The following DCAF6 variants were observed in gnomAD, a reference collection of about 807,000 sequenced individuals.
DCAF6 encodes DDB1 and CUL4 associated factor 6.
A neutral mutation model predicts 125.1 loss-of-function variants in DCAF6; 54 were observed. The observed-to-expected ratio is 0.43, with a 90% CI of 0.35 to 0.54. DCAF6 has a LOEUF of 0.54. DCAF6 is among the 20% of genes least tolerant of loss of function. The pLI is 0.01. For synonymous variants in DCAF6, 371 were observed against 390.4 expected (o/e 0.95, Z 0.58); for missense variants, 934 against 1,161.7 (o/e 0.80, Z 2.85).
chr1:168,044,651 T>TC lies in DCAF6; in HGVS notation c.1910_1911insC (p.Glu638Ter). On this transcript the variant is annotated frameshift_variant, in exon 15 of 22. Transcript: ENST00000367840. LOFTEE classifies it high-confidence loss of function. ...GAAGGAGTATCTGCAGAAAACCCAG[T>TC]TGAGAACCATATCAATATAAGTGAG... 6.2e-7 allele frequency: 1 copy of TC among 1,612,312 alleles called. No individual in the cohort carries two copies. The highest frequency in any genetic ancestry group is 8.5e-7 in the Non-Finnish European group (1 of 1,178,478).
intron 1 of DCAF6, among the ~76,000 whole-genome samples, chr1:167,944,129 AC>A (rs1557873351): frequency 6.6e-6 from 1 of 152,174 alleles, no homozygotes; most frequent in Non-Finnish European, 1.5e-5. Flanking sequence ...GGGGTGAGCC[AC>A]CACGCCCAGC....
the DCAF6 span, chr1:167,903,832 G>A: frequency 2.3e-5 from 31 of 1,324,012 alleles, 1 homozygote; most frequent in East Asian, 6.0e-4. Flanking sequence ...TGACAACTAC[G>A]GAAAAAACAA....
intron 3 of DCAF6, among the ~76,000 whole-genome samples, chr1:167,971,662 C>T (rs1184740320): frequency 3.9e-5 from 6 of 152,190 alleles, no homozygotes; most frequent in African/African-American, 1.4e-4. Flanking sequence ...ACAGATGTTA[C>T]AACTAGACCA....
intron 2 of DCAF6, among the ~76,000 whole-genome samples, chr1:167,959,820 T>C (rs1447812675): frequency 6.6e-6 from 1 of 152,210 alleles, no homozygotes; most frequent in Non-Finnish European, 1.5e-5. Flanking sequence ...TCTTCTTGTT[T>C]TCTTGACATT....
intron 4 of DCAF6, among the ~76,000 whole-genome samples, chr1:167,977,186 G>C (rs965605909): frequency 2.0e-5 from 3 of 149,162 alleles, no homozygotes; most frequent in Non-Finnish European, 3.0e-5. Flanking sequence ...TTACAGGCAT[G>C]AACCACCGTG....
chr1:167,963,402 T>C (rs1675919999), intron 2 of DCAF6, among the ~76,000 whole-genome samples: 1 of 151,704 alleles, frequency 6.6e-6, no homozygotes, highest in Non-Finnish European at 1.5e-5. Context: ...ATTTTTGTTT[T>C]CCATTCTTCT....
In DCAF6 at chr1:167,974,902, A is replaced by G; in HGVS notation, c.325A>G (p.Lys109Glu). The part of the protein sequence containing the change: ...SAKFLPCTND[K>E]QIVSCSGDGV... ...AAAGTTCTTACCTTGTACAAATGAT[A>G]AACAGATTGTATCCTGCTCTGGAGA... is the stretch of plus-strand genomic sequence containing the variant. Residue 109 changes from lysine to glutamate, a missense_variant, in exon 4 of 22, where the codon AAA becomes GAA. Coordinates refer to ENST00000367840, the MANE Select transcript of DCAF6 (RefSeq NM_001198956.2). The G allele has an allele frequency of 6.2e-7, 1 of 1,608,310 alleles. No homozygotes were observed. The highest frequency in any genetic ancestry group is 8.5e-7 in the Non-Finnish European group (1 of 1,177,288).
At chr1:167,951,618 A>G (rs1003120615) in intron 1 of DCAF6, among the ~76,000 whole-genome samples, 182 bp from the exon 2 acceptor site, 2 of 152,140 alleles carry the variant, frequency 1.3e-5, no homozygotes, top group African/African-American at 2.4e-5. Context: ...GAGGTATTCT[A>G]ATGAGGAAAC....
Position 168,068,375 on chromosome 1 carries a change from A to G in DCAF6, c.2703A>G (p.Glu901=). 1 of 1,604,388 alleles carries G rather than the reference A, an allele frequency of 6.2e-7. No homozygotes were observed. The highest frequency in any genetic ancestry group is 8.5e-7 in the Non-Finnish European group (1 of 1,174,548). Residue 901 remains glutamate, a synonymous_variant, in exon 21 of 22, where the codon GAA becomes GAG. Transcript: ENST00000367840. The part of the protein sequence containing the change: ...KLADEVITRN[E]LMLEETRNTI... ...CCTTGTAGGTTATAACTCGAAACGA[A>G]CTCATGCTGGAAGAAACTAGAAACA...
chr1:167,870,638 CAAAAAAA>C, the DCAF6 span, among the ~76,000 whole-genome samples: 7 of 93,782 alleles, frequency 7.5e-5, no homozygotes, highest in African/African-American at 2.6e-4. Context: ...ACTGAAAATA[CAAAAAAA>C]AAAAAAAAAA....
intron 1 of DCAF6, among the ~76,000 whole-genome samples, chr1:167,940,181 T>C (rs1038654310): frequency 6.6e-6 from 1 of 152,220 alleles, no homozygotes; most frequent in African/African-American, 2.4e-5. Context: ...TATTATGTTG[T>C]GGGAATGAAG....
chr1:167,997,604 A>C (rs1681927064), intron 7 of DCAF6, among the ~76,000 whole-genome samples: 1 of 152,116 alleles, frequency 6.6e-6, no homozygotes, highest in African/African-American at 2.4e-5. Context: ...TTCACTGTTA[A>C]GTGTCACCAA....
At chr1:168,057,646 C>T (rs146108577) in intron 17 of DCAF6, among the ~76,000 whole-genome samples, 80 of 152,250 alleles carry the variant, frequency 5.3e-4, no homozygotes, top group Admixed American at 6.5e-4. Flanking sequence ...GATAACACAA[C>T]GCCTACCCTC....
the DCAF6 span, chr1:167,902,119 C>A: frequency 6.8e-7 from 1 of 1,460,380 alleles, no homozygotes; most frequent in Non-Finnish European, 9.5e-7. Context: ...AAACATCATT[C>A]TTTCTTAGTG....
chr1:167,924,257 G>C, the DCAF6 span, among the ~76,000 whole-genome samples: 1 of 152,052 alleles, frequency 6.6e-6, no homozygotes, highest in Non-Finnish European at 1.5e-5. Flanking sequence ...GTGCACAATT[G>C]TAAGTTTTTT....
chr1:168,032,254 A>G (rs1687198352), intron 12 of DCAF6, among the ~76,000 whole-genome samples: 1 of 152,230 alleles, frequency 6.6e-6, no homozygotes, highest in South Asian at 2.1e-4. Flanking sequence ...GCACTAGTGT[A>G]AGCACTCAAT....
At chr1:167,878,955 G>A in the DCAF6 span, among the ~76,000 whole-genome samples, 1 of 152,346 alleles carries the variant, frequency 6.6e-6, no homozygotes, top group East Asian at 1.9e-4. Context: ...CAGAGAAGGT[G>A]TCAGTTGGTC....
intron 7 of DCAF6, among the ~76,000 whole-genome samples, chr1:167,996,490 G>T (rs1399192670): frequency 1.3e-5 from 2 of 152,064 alleles, no homozygotes; most frequent in African/African-American, 4.8e-5. Flanking sequence ...CCCCTTTGTA[G>T]TTGATTTTGC....
At chr1:167,918,338 A>C in the DCAF6 span, 30 of 1,568,062 alleles carry the variant, frequency 1.9e-5, no homozygotes, top group Admixed American at 5.1e-5. Flanking sequence ...TGTGTGCTTT[A>C]GCTTTTAGTT....
Sources: allele counts gnomAD v4.1 joint callset (sites outside exome capture counted in the v4.1 genomes callset), GRCh38; gene constraint gnomAD v4.1.1; transcripts MANE v1.5; gene names NCBI Gene and HGNC (gene_info 2026-07-23, HGNC 2026-07-21).